Variants in KCNH1 observed in about 807,000 individuals in gnomAD.
KCNH1 encodes the protein voltage-gated delayed rectifier potassium channel KCNH1.
Under a neutral mutation model 69.2 loss-of-function variants are expected in KCNH1, and 27 were observed. The ratio of observed to expected loss-of-function variants is 0.39; its 90% CI spans 0.29 to 0.54. The LOEUF (loss-of-function observed/expected upper bound fraction) is 0.54. Ranked by LOEUF, KCNH1 falls within the 20% of genes least tolerant of loss-of-function variation. KCNH1 has a pLI of 0.68. For missense variants in KCNH1, 798 were observed against 1,261.6 expected (o/e 0.63, Z 5.57); for synonymous variants, 456 against 487.7 (o/e 0.93, Z 0.86).
At chr1:210,848,390 A>G (rs1685607183) in intron 7 of KCNH1, among the ~76,000 whole-genome samples, 1 of 152,146 alleles carries the variant, frequency 6.6e-6, no homozygotes, top group Non-Finnish European at 1.5e-5. Flanking sequence ...ATTCTATTCA[A>G]TTTAATTTGC....
intron 5 of KCNH1, among the ~76,000 whole-genome samples, chr1:211,038,664 C>T (rs1689941366): frequency 6.6e-6 from 1 of 152,066 alleles, no homozygotes; most frequent in South Asian, 2.1e-4. Context: ...GGGACTGGAG[C>T]AAAGGTGACT....
chr1:211,129,944 C>T (rs564964998), intron 1 of KCNH1, among the ~76,000 whole-genome samples: 215 of 152,260 alleles, frequency 1.4e-3, no homozygotes, highest in Middle Eastern at 3.4e-3. Flanking sequence ...GATATAGGTT[C>T]CCGAACACTA....
chr1:211,067,489 T>C (rs1432448669), intron 5 of KCNH1, among the ~76,000 whole-genome samples: 2 of 152,346 alleles, frequency 1.3e-5, no homozygotes, highest in East Asian at 3.9e-4. Context: ...AGAGCCTCTG[T>C]GGATCTGCCC....
chr1:210,761,882 C>A (rs1266091422), intron 10 of KCNH1, among the ~76,000 whole-genome samples: 5 of 152,158 alleles, frequency 3.3e-5, no homozygotes, highest in African/African-American at 1.2e-4. Context: ...AAATTTGGTA[C>A]TCGACCAATC....
chr1:210,936,870 C>A (rs1687784051), intron 6 of KCNH1, among the ~76,000 whole-genome samples: 1 of 152,160 alleles, frequency 6.6e-6, no homozygotes. Flanking sequence ...ATGATGAGTG[C>A]AACTTTCCAT....
intron 7 of KCNH1, among the ~76,000 whole-genome samples, chr1:210,903,485 ATATAGTATG>A (rs1558518813): frequency 6.6e-6 from 1 of 152,180 alleles, no homozygotes; most frequent in Non-Finnish European, 1.5e-5. Context: ...TGGATGGTGA[ATATAGTATG>A]TATTTCATTA....
At chr1:210,946,815 C>T (rs958791370) in intron 6 of KCNH1, among the ~76,000 whole-genome samples, 1 of 152,106 alleles carries the variant, frequency 6.6e-6, no homozygotes, top group Non-Finnish European at 1.5e-5. Flanking sequence ...AGGCGGGTTT[C>T]CATGCCCAAA....
At chr1:210,951,005 G>A (rs1688053851) in intron 6 of KCNH1, among the ~76,000 whole-genome samples, 1 of 152,198 alleles carries the variant, frequency 6.6e-6, no homozygotes, top group Non-Finnish European at 1.5e-5. Flanking sequence ...ATCTGAATGT[G>A]TAAAGTGCTA....
intron 7 of KCNH1, among the ~76,000 whole-genome samples, chr1:210,820,416 A>G (rs1160498654): frequency 6.6e-6 from 1 of 151,982 alleles, no homozygotes; most frequent in Non-Finnish European, 1.5e-5. Context: ...CGGGTGGATC[A>G]TGAGGTCAGG....
intron 5 of KCNH1, among the ~76,000 whole-genome samples, chr1:211,047,163 T>A (rs1488286368): frequency 2.0e-5 from 3 of 152,108 alleles, no homozygotes; most frequent in Non-Finnish European, 4.4e-5. Context: ...ACAAGCCACA[T>A]CTCAATTGCT....
chr1:210,721,516 C>A (rs1303981755), intron 10 of KCNH1, among the ~76,000 whole-genome samples: 1 of 152,182 alleles, frequency 6.6e-6, no homozygotes, highest in African/African-American at 2.4e-5. Context: ...TGAGACTCAA[C>A]AGAAGACTGC....
intron 5 of KCNH1, among the ~76,000 whole-genome samples, chr1:211,021,605 G>T (rs1689587517): frequency 6.7e-6 from 1 of 149,966 alleles, no homozygotes; most frequent in African/African-American, 2.5e-5. Flanking sequence ...CACACAACCT[G>T]TTAGAACTGA....
intron 10 of KCNH1, among the ~76,000 whole-genome samples, chr1:210,711,677 A>T (rs956352868): frequency 6.6e-6 from 1 of 152,190 alleles, no homozygotes; most frequent in Non-Finnish European, 1.5e-5. Context: ...GCAATGATAC[A>T]AGAGTATCCC....
chr1:210,709,740 G>A (rs199740059), intron 10 of KCNH1, among the ~76,000 whole-genome samples: 3 of 79,204 alleles, frequency 3.8e-5, no homozygotes, highest in Non-Finnish European at 1.3e-4. Context: ...GAGAGAGAGA[G>A]AAAGAGAGAG....
intron 1 of KCNH1, among the ~76,000 whole-genome samples, chr1:211,113,965 C>G (rs11579201): frequency 7.5e-6 from 1 of 133,112 alleles, no homozygotes; most frequent in Non-Finnish European, 1.7e-5. Flanking sequence ...CTCTCTCTCT[C>G]TCTCTCTCTC....
chr1:210,715,146 C>T (rs1378002462), intron 10 of KCNH1, among the ~76,000 whole-genome samples: 1 of 152,164 alleles, frequency 6.6e-6, no homozygotes, highest in African/African-American at 2.4e-5. Flanking sequence ...GAATAGAAAC[C>T]CCCAGCTATC....
chr1:210,990,451 G>A (rs921096244), intron 6 of KCNH1, among the ~76,000 whole-genome samples: 4 of 152,132 alleles, frequency 2.6e-5, no homozygotes, highest in Non-Finnish European at 2.9e-5. Flanking sequence ...CTAGCAGGGT[G>A]CCCAAAGGTC....
At chr1:210,838,526 A>G (rs569270210) in intron 7 of KCNH1, among the ~76,000 whole-genome samples, 1 of 152,334 alleles carries the variant, frequency 6.6e-6, no homozygotes, top group South Asian at 2.1e-4. Context: ...TTCATGATGA[A>G]GATACCAAAA....
chr1:211,075,926 T>C (rs976650238), intron 5 of KCNH1, among the ~76,000 whole-genome samples: 2 of 152,210 alleles, frequency 1.3e-5, no homozygotes, highest in Non-Finnish European at 2.9e-5. Context: ...ACCAGGAGAT[T>C]ATATCCCGCA....
Sources: gnomAD v4.1 joint callset for allele counts (sites outside exome capture counted in the v4.1 genomes callset) on GRCh38, gnomAD v4.1.1 for gene constraint, MANE v1.5 for transcripts, NCBI Gene and HGNC (gene_info 2026-07-23, HGNC 2026-07-21) for gene names.